CPE: variants seen among roughly 807,000 people sequenced by gnomAD.
The protein encoded by CPE is carbocypeptidase E.
A neutral mutation model predicts 53.5 loss-of-function variants in CPE; 17 were observed. That is an observed-to-expected ratio of 0.32 (90% confidence interval 0.22 to 0.48). The LOEUF (loss-of-function observed/expected upper bound fraction) is 0.48. CPE is among the 20% of genes least tolerant of loss of function. The pLI, the probability that CPE is intolerant of heterozygous loss-of-function variation, is 0.99. For synonymous variants in CPE, 226 were observed against 228.8 expected, an observed-to-expected ratio of 0.99 and a Z score of 0.11; for missense variants, 524 against 614.7, an observed-to-expected ratio of 0.85 and a Z score of 1.56.
chr4:165,381,374 A>C (rs1448631661), intron 1 of CPE: 5 of 454,588 alleles, frequency 1.1e-5, no homozygotes, highest in Non-Finnish European at 2.2e-5. Flanking sequence ...AATAATCTAC[A>C]TTATGGAAAA....
At chr4:165,394,801 A>G (rs1053539968) in intron 1 of CPE, among the ~76,000 whole-genome samples, 1 of 152,200 alleles carries the variant, frequency 6.6e-6, no homozygotes, top group African/African-American at 2.4e-5. Flanking sequence ...CAATCATCAC[A>G]CAATTTCTCA....
intron 3 of CPE, among the ~76,000 whole-genome samples, chr4:165,475,683 G>T (rs1414349242): frequency 6.6e-6 from 1 of 152,186 alleles, no homozygotes; most frequent in African/African-American, 2.4e-5. Flanking sequence ...GCCAACTTTA[G>T]TTGAAAAAGC....
chr4:165,474,664 T>C lies in CPE; in HGVS notation c.672+6809T>C, dbSNP rs550642052. On this transcript the variant is annotated intron_variant, in intron 3 of 8. Coordinates refer to ENST00000402744, the MANE Select transcript of CPE (RefSeq NM_001873.4). Reference sequence around the variant, plus strand: ...GGACCCTTGTTCATCCTTGGGACTCTGGAATAACCGTTCTTACTGTATACC... The same window carrying C: ...GGACCCTTGTTCATCCTTGGGACTCCGGAATAACCGTTCTTACTGTATACC... Among the ~76,000 whole-genome samples the C allele has an allele frequency of 2.6e-5, 4 of 152,360 alleles. No individual in the cohort carries two copies. In the South Asian group the frequency reaches 8.3e-4, roughly 32 times the overall value.
chr4:165,452,459 G>A (rs1194476604), intron 1 of CPE, among the ~76,000 whole-genome samples: 2 of 151,886 alleles, frequency 1.3e-5, no homozygotes, highest in African/African-American at 4.8e-5. Flanking sequence ...AAATAAACCT[G>A]TGTATAGGCA....
At position 165,464,395 on chromosome 4, in the gene CPE, C is replaced by T. The variant is rs780646997; in HGVS notation, c.313C>T (p.Pro105Ser). 5 of 1,599,886 alleles carry T rather than the reference C, an allele frequency of 3.1e-6. No homozygotes were observed. The highest frequency in any genetic ancestry group is 2.3e-5 in the East Asian group (1 of 44,368). Residue 105 changes from proline (P) to serine (S), a missense_variant, in exon 2 of 9, where the codon CCT becomes TCT. Physicochemically the swap from Pro to Ser is moderately conservative, Grantham distance 74. Transcript: ENST00000402744. ...GCTATCTATTAATCTTTTAGGTGAGCCTGAATTTAAATACATTGGGAATAT... is the reference window on the plus strand; with the variant it reads ...GCTATCTATTAATCTTTTAGGTGAGTCTGAATTTAAATACATTGGGAATAT... ...DNPGVHEPGE[P>S]EFKYIGNMHG...
At chr4:165,486,118 A>C (rs1205147788) in intron 5 of CPE, among the ~76,000 whole-genome samples, 1 of 152,100 alleles carries the variant, frequency 6.6e-6, no homozygotes, top group Admixed American at 6.6e-5. Flanking sequence ...GTGGGGTGCC[A>C]GCAGGAATTG....
intron 1 of CPE, among the ~76,000 whole-genome samples, chr4:165,443,178 T>G (rs1731643811): frequency 2.6e-5 from 4 of 152,090 alleles, no homozygotes; most frequent in Admixed American, 2.0e-4. Flanking sequence ...CCATTGGAGA[T>G]TTCTCCTTTG....
chr4:165,475,943 AG>A (rs2126707614), intron 3 of CPE, among the ~76,000 whole-genome samples: 1 of 152,274 alleles, frequency 6.6e-6, no homozygotes, highest in African/African-American at 2.4e-5. Flanking sequence ...AACTGCATAC[AG>A]GGGTTGAGTA....
intron 1 of CPE, among the ~76,000 whole-genome samples, chr4:165,430,658 A>G (rs77578136): frequency 6.8e-6 from 1 of 147,084 alleles, no homozygotes; most frequent in East Asian, 2.0e-4. Flanking sequence ...AGTAATTTTT[A>G]TTATACTTAA....
At chr4:165,408,235 A>G (rs1463886410) in intron 1 of CPE, among the ~76,000 whole-genome samples, 2 of 152,186 alleles carry the variant, frequency 1.3e-5, no homozygotes, top group African/African-American at 4.8e-5. Flanking sequence ...ACCATTGCGT[A>G]ATCTAAGGTC....
chr4:165,465,977 ATAT>A (rs1229885896), intron 2 of CPE, among the ~76,000 whole-genome samples: 15 of 152,326 alleles, frequency 9.8e-5, no homozygotes, highest in East Asian at 1.9e-4. Flanking sequence ...ATATCTCTTT[ATAT>A]TATTAACATT....
Position 165,497,665 on chromosome 4 carries a change from TGTG to T in CPE, c.*58_*60del, listed in dbSNP as rs1732724659. Reference sequence around the variant, plus strand: ...ATCTATATAATGTAGTATGATGTAATGTGGTCTTTTTTTTAGATTTTGTGCAGT... The same window carrying T: ...ATCTATATAATGTAGTATGATGTAATGTCTTTTTTTTAGATTTTGTGCAGT... On this transcript the variant is annotated 3_prime_UTR_variant, in exon 9 of 9. Transcript: ENST00000402744. 1 of 971,046 alleles carries T rather than the reference TGTG, an allele frequency of 1.0e-6. No homozygotes were observed. Among genetic ancestry groups the T allele is most frequent in the Admixed American group, 3.1e-5 (1 of 32,338 alleles). 60.2% of individuals were successfully genotyped at this position (971,046 alleles called of 1,614,324 possible).
At chr4:165,469,940 T>C (rs563786458) in intron 3 of CPE, among the ~76,000 whole-genome samples, 35 of 152,292 alleles carry the variant, frequency 2.3e-4, no homozygotes, top group African/African-American at 8.4e-4. Context: ...AGATTATTGG[T>C]TTAAACTTTT....
At chr4:165,472,047 G>A (rs1231623849) in intron 3 of CPE, among the ~76,000 whole-genome samples, 2 of 152,166 alleles carry the variant, frequency 1.3e-5, no homozygotes, top group East Asian at 3.8e-4. Flanking sequence ...TTGTTTACAG[G>A]AGTACTTATT....
chr4:165,453,241 G>A (rs1731843746), intron 1 of CPE, among the ~76,000 whole-genome samples: 2 of 152,014 alleles, frequency 1.3e-5, no homozygotes, highest in South Asian at 2.1e-4. Context: ...GAAGGCATGA[G>A]CCACCATGCC....
chr4:165,436,124 A>G (rs961946495), intron 1 of CPE, among the ~76,000 whole-genome samples: 1 of 152,066 alleles, frequency 6.6e-6, no homozygotes, highest in Non-Finnish European at 1.5e-5. Context: ...TATTAGGTTT[A>G]TGACTTTCAA....
intron 1 of CPE, among the ~76,000 whole-genome samples, chr4:165,390,343 G>A (rs1730660211): frequency 6.6e-6 from 1 of 152,138 alleles, no homozygotes; most frequent in East Asian, 1.9e-4. Flanking sequence ...TCCTCATTCT[G>A]TTCTTGCATT....
At chr4:165,425,304 T>C (rs1320706684) in intron 1 of CPE, among the ~76,000 whole-genome samples, 1 of 151,888 alleles carries the variant, frequency 6.6e-6, no homozygotes, top group African/African-American at 2.4e-5. Context: ...AAGTTTTTAC[T>C]CTGACTTTTA....
At chr4:165,469,155 A>G (rs182950615) in intron 3 of CPE, among the ~76,000 whole-genome samples, 3 of 152,326 alleles carry the variant, frequency 2.0e-5, no homozygotes, top group Admixed American at 6.5e-5. Flanking sequence ...ACACATTTAC[A>G]TATCCACTAA....
Sources: allele counts gnomAD v4.1 joint callset (sites outside exome capture counted in the v4.1 genomes callset), GRCh38; gene constraint gnomAD v4.1.1; transcripts MANE v1.5; gene names NCBI Gene and HGNC (gene_info 2026-07-23, HGNC 2026-07-21).